Variants in PHF14 observed in about 807,000 individuals in gnomAD.
PHF14 encodes PHD finger protein 14.
A neutral mutation model predicts 117.9 loss-of-function variants in PHF14; 55 were observed. That is an observed-to-expected ratio of 0.47 (90% CI 0.38 to 0.58). The LOEUF is 0.58. PHF14 is among the 20% of genes least tolerant of loss of function. The pLI, the probability that PHF14 is intolerant of heterozygous loss-of-function variation, is 0.00. For synonymous variants in PHF14, 409 were observed against 368.6 expected (o/e 1.11, Z -1.26); for missense variants, 978 against 1,122.2 (o/e 0.87, Z 1.84).
In PHF14 at chr7:10,974,884, G is replaced by T; in HGVS notation, c.51G>T (p.Leu17=). The part of the protein sequence containing the change: ...RRQVKPLAAS[L]LEALDYDSSD... ...AGGTGAAGCCTTTGGCAGCTTCTCT[G>T]CTGGAAGCTCTTGATTATGATAGTT... The change falls in exon 2 of 18, where the codon CTG becomes CTT. Residue 17 remains leucine (L), a synonymous_variant. Transcript: ENST00000634607. 6.3e-7 allele frequency: 1 copy of T among 1,596,128 alleles called. No individual in the cohort carries two copies. Among genetic ancestry groups the T allele is most frequent in the Non-Finnish European group, 8.5e-7 (1 of 1,170,424 alleles).
At position 11,040,694 on chromosome 7, in the gene PHF14, T is replaced by G. The variant is rs1784475139; in HGVS notation, c.2099T>G (p.Leu700Trp). ...TGQKLNIPAI[L>W]RAPKERKPSK... ...TAGAAGTTGAATATACCGGCAATTT[T>G]GCGAGCACCCAAGGAGAGAAAACCA... is the stretch of plus-strand genomic sequence containing the variant. The change falls in exon 12 of 18, where the codon TTG (leucine) becomes TGG (tryptophan). Residue 700 changes from leucine to tryptophan, a missense_variant. Around this residue, in one of 7 missense-constraint regions of PHF14, gnomAD observed 237 missense variants for 276.4 expected, o/e 0.86. Coordinates refer to ENST00000634607, the MANE Select transcript of PHF14 (RefSeq NM_001007157.2). The G allele has an allele frequency of 1.3e-6, 2 of 1,560,944 alleles. No individual in the cohort carries two copies. The highest frequency in any genetic ancestry group is 1.7e-6 in the Non-Finnish European group (2 of 1,151,376).
At position 11,118,268 on chromosome 7, in the gene PHF14, G is replaced by T. The variant is rs2128345104; in HGVS notation, c.2772+6801G>T. ...TATCCTCAAAGATGGTTTTAGTTTT[G>T]TATTAAACTTTAGATTTCCTCTTTC... On this transcript the variant is annotated intron_variant, in intron 17 of 17. Transcript: ENST00000634607. Among the ~76,000 whole-genome samples, 4 of 151,920 alleles carry T rather than the reference G, an allele frequency of 2.6e-5. No homozygotes were observed. The Middle Eastern group carries it at 0.01, about 388-fold the overall frequency.
In PHF14 at chr7:11,152,894, A is replaced by G. The variant is rs1025660002; in HGVS notation, c.2773-16522A>G. ...AGGAAACACCTACTGCATTTTGTTC[A>G]GGAATCAGAGGGAAGAGCAGCATGT... On this transcript the variant is annotated intron_variant, in intron 17 of 17. Transcript: ENST00000634607. 2.6e-5 allele frequency among the ~76,000 whole-genome samples: 4 copies of G among 152,344 alleles called. No homozygotes were observed. In the South Asian group the frequency reaches 8.3e-4, roughly 32 times the overall value.
chr7:11,127,809 A>T (rs1056696977), intron 17 of PHF14, among the ~76,000 whole-genome samples: 2 of 152,150 alleles, frequency 1.3e-5, no homozygotes, highest in African/African-American at 2.4e-5. Flanking sequence ...TGAATAGCTT[A>T]GACCATTTAC....
intron 16 of PHF14, among the ~76,000 whole-genome samples, chr7:11,078,237 G>T (rs1785942866): frequency 6.6e-6 from 1 of 152,012 alleles, no homozygotes; most frequent in Non-Finnish European, 1.5e-5. Context: ...ACATGGAGAG[G>T]TTTGTTAACT....
At chr7:11,111,086 T>C in intron 16 of PHF14, 1 of 326,082 alleles carries the variant, frequency 3.1e-6, no homozygotes, top group East Asian at 5.7e-5. Context: ...ATTCATATGC[T>C]CTTAATATTT....
At chr7:11,084,308 T>G (rs887938377) in intron 16 of PHF14, among the ~76,000 whole-genome samples, 1 of 152,192 alleles carries the variant, frequency 6.6e-6, no homozygotes, top group African/African-American at 2.4e-5. Context: ...ATTACTTTAT[T>G]GGATTTATTT....
At chr7:11,032,538 G>T (rs1784153463) in intron 7 of PHF14, among the ~76,000 whole-genome samples, 1 of 151,806 alleles carries the variant, frequency 6.6e-6, no homozygotes, top group African/African-American at 2.4e-5. Context: ...ACCAAATCAT[G>T]GCATCTAGAG....
chr7:11,086,768 G>A (rs566603664), intron 16 of PHF14, among the ~76,000 whole-genome samples: 1 of 152,166 alleles, frequency 6.6e-6, no homozygotes, highest in South Asian at 2.1e-4. Flanking sequence ...GATTGGAATG[G>A]TAGTTTTTGT....
At chr7:11,016,819 TA>T (rs1783551000) in intron 5 of PHF14, among the ~76,000 whole-genome samples, 1 of 152,164 alleles carries the variant, frequency 6.6e-6, no homozygotes, top group Non-Finnish European at 1.5e-5. Context: ...GTTGTGCTAT[TA>T]AACAGTAGGT....
In PHF14 at chr7:11,123,037, T is replaced by G. The variant is rs546700529; in HGVS notation, c.2772+11570T>G. On this transcript the variant is annotated intron_variant, in intron 17 of 17. Coordinates refer to ENST00000634607, the MANE Select transcript of PHF14 (RefSeq NM_001007157.2). ...TTCTTTCTCGCCTTCAGTGAACTTC[T>G]TCTCTCCTGCGTTTGCCTTTTCTTA... 5.9e-4 allele frequency among the ~76,000 whole-genome samples: 90 copies of G among 152,328 alleles called. 1 individual carries two copies. The South Asian group carries it at 0.018, about 31-fold the overall frequency.
At chr7:11,148,142 T>A (rs1174087832) in intron 17 of PHF14, among the ~76,000 whole-genome samples, 1 of 152,200 alleles carries the variant, frequency 6.6e-6, no homozygotes, top group Non-Finnish European at 1.5e-5. Context: ...AGTAGACTGC[T>A]TCCTTATCTC....
At chr7:11,166,189 G>C (rs1209149796) in intron 17 of PHF14, among the ~76,000 whole-genome samples, 1 of 151,966 alleles carries the variant, frequency 6.6e-6, no homozygotes, top group Non-Finnish European at 1.5e-5. Flanking sequence ...AGCCTCAAAG[G>C]ATACATTTTC....
chr7:11,043,440 G>A (rs1025080409), intron 13 of PHF14, among the ~76,000 whole-genome samples: 46 of 151,966 alleles, frequency 3.0e-4, no homozygotes, highest in African/African-American at 9.7e-4. Flanking sequence ...GGAGAATATA[G>A]GAAAAGGAAA....
At chr7:11,004,679 ATTTTTTT>A (rs879301715) in intron 4 of PHF14, among the ~76,000 whole-genome samples, 2 of 142,966 alleles carry the variant, frequency 1.4e-5, no homozygotes, top group African/African-American at 5.1e-5. Flanking sequence ...TTCAGTTTAA[ATTTTTTT>A]TTTTTTTTGT....
chr7:11,022,936 C>T lies in PHF14; in HGVS notation c.1274C>T (p.Pro425Leu). Residue 425 changes from proline to leucine, a missense_variant, in exon 6 of 18, where the codon CCA becomes CTA. Coordinates refer to ENST00000634607, the MANE Select transcript of PHF14 (RefSeq NM_001007157.2). ...TTTGGAGATATTGACAAATTACGAC[C>T]AGTAACACTAACGGAAATGAACTAT... is the stretch of plus-strand genomic sequence containing the variant. ...VAFGDIDKLR[P>L]VTLTEMNYSK... 6.2e-7 allele frequency: 1 copy of T among 1,610,154 alleles called. No homozygotes were observed. The highest frequency in any genetic ancestry group is 8.5e-7 in the Non-Finnish European group (1 of 1,177,446).
intron 16 of PHF14, chr7:11,106,650 C>A: frequency 1.0e-6 from 1 of 982,382 alleles, no homozygotes; most frequent in Non-Finnish European, 1.2e-6. Flanking sequence ...AATGAAAGAA[C>A]TCATCGCTAC....
intron 6 of PHF14, among the ~76,000 whole-genome samples, chr7:11,025,289 A>G (rs1011063380): frequency 3.3e-5 from 5 of 152,226 alleles, no homozygotes; most frequent in Admixed American, 2.0e-4. Flanking sequence ...CCTGGTGAAG[A>G]TGCTATGAAC....
chr7:11,006,803 T>A, intron 4 of PHF14: 1 of 802,542 alleles, frequency 1.2e-6, no homozygotes, highest in Middle Eastern at 3.1e-4. Flanking sequence ...CTTCTTGGCC[T>A]TGAAAGCCTT....
Sources: gnomAD v4.1 joint callset for allele counts (sites outside exome capture counted in the v4.1 genomes callset) on GRCh38, gnomAD v4.1.1 for gene constraint, gnomAD v4.1.1 regional missense constraint, MANE v1.5 for transcripts, NCBI Gene and HGNC (gene_info 2026-07-23, HGNC 2026-07-21) for gene names.